Variants in CPSF6 observed in about 807,000 individuals in gnomAD.
CPSF6 encodes the protein cleavage and polyadenylation specific factor 6.
Under a neutral mutation model 56.7 loss-of-function variants are expected in CPSF6, and 10 were observed. The observed-to-expected ratio is 0.18, with a 90% CI of 0.11 to 0.30. The LOEUF is 0.30. Ranked by LOEUF, CPSF6 falls within the 10% of genes least tolerant of loss-of-function variation. CPSF6 has a pLI of 1.00. For missense variants in CPSF6, 419 were observed against 722.9 expected, an observed-to-expected ratio of 0.58 and a Z score of 4.82; for synonymous variants, 248 against 244.8, an observed-to-expected ratio of 1.01 and a Z score of -0.12.
rs1400506702 is a variant in CPSF6, at chr12:69,244,007, A to AT, written c.60+4309dup. On this transcript the variant is annotated intron_variant, in intron 1 of 9. Coordinates refer to ENST00000435070, the MANE Select transcript of CPSF6 (RefSeq NM_007007.3). Reference sequence around the variant, plus strand: ...TGCCACCATGCCTGGCTAATTTCAAATTTTTTTTGTAGGGATGAGGTCCCA... The same window carrying AT: ...TGCCACCATGCCTGGCTAATTTCAAATTTTTTTTTGTAGGGATGAGGTCCCA... 6.0e-5 allele frequency among the ~76,000 whole-genome samples: 9 copies of AT among 151,252 alleles called. No individual in the cohort carries two copies. The East Asian group carries it at 1.4e-3, about 23-fold the overall frequency.
intron 1 of CPSF6, among the ~76,000 whole-genome samples, chr12:69,243,877 A>G (rs918141459): frequency 2.0e-5 from 3 of 152,240 alleles, no homozygotes; most frequent in Non-Finnish European, 2.9e-5. Flanking sequence ...ACTGTCATCC[A>G]GTCTGGAGTG....
intron 9 of CPSF6, among the ~76,000 whole-genome samples, chr12:69,266,483 A>G (rs140403344): frequency 1.3e-5 from 2 of 152,332 alleles, no homozygotes; most frequent in East Asian, 1.9e-4. Context: ...AAAAAATTCA[A>G]TGCCAGTGTG....
chr12:69,268,224 A>C (rs1008222439), intron 9 of CPSF6, among the ~76,000 whole-genome samples: 3 of 151,854 alleles, frequency 2.0e-5, no homozygotes, highest in Non-Finnish European at 4.4e-5. Context: ...GTTTCACTAA[A>C]TAGCTTCATC....
intron 9 of CPSF6, among the ~76,000 whole-genome samples, chr12:69,268,195 AT>A (rs1010306154): frequency 3.3e-5 from 5 of 151,710 alleles, no homozygotes; most frequent in African/African-American, 7.2e-5. Flanking sequence ...GCCATTTTGT[AT>A]TTTTTCCCCA....
At chr12:69,247,537 TTAAAAG>T (rs1427245742) in intron 1 of CPSF6, among the ~76,000 whole-genome samples, 1 of 152,148 alleles carries the variant, frequency 6.6e-6, no homozygotes, top group African/African-American at 2.4e-5. Context: ...GCCATTAAAA[TTAAAAG>T]TAATAATTGA....
Position 69,260,211 on chromosome 12 carries a change from G to A in CPSF6, c.1469+14G>A, listed in dbSNP as rs758073366. The A allele has an allele frequency of 5.9e-6, 9 of 1,534,092 alleles. No homozygotes were observed. Among genetic ancestry groups the A allele is most frequent in the South Asian group, 1.2e-5 (1 of 80,030 alleles). On this transcript the variant is annotated intron_variant, in intron 8 of 9. Transcript: ENST00000435070. Reference sequence around the variant, plus strand: ...TTCTGGATCAAGGTAAAACTTTCCTGTCTCATTTCCATTTAAAAAAACTGT... The same window carrying A: ...TTCTGGATCAAGGTAAAACTTTCCTATCTCATTTCCATTTAAAAAAACTGT...
intron 9 of CPSF6, among the ~76,000 whole-genome samples, chr12:69,265,321 T>A (rs1872921539): frequency 2.6e-5 from 4 of 152,178 alleles, no homozygotes. Flanking sequence ...CGATTGTACA[T>A]TTTTTACTGA....
Position 69,262,306 on chromosome 12 carries a change from C to G in CPSF6, c.1470-67C>G, listed in dbSNP as rs1040350608. ...TTGCTGCCTAAGTTTTTTTAGACAT[C>G]AAAAAATTGAATATTTTTAGGCTAT... On this transcript the variant is annotated intron_variant, in intron 8 of 9. Transcript: ENST00000435070. 1.3e-4 allele frequency: 187 copies of G among 1,432,652 alleles called. No homozygotes were observed. In the East Asian group the frequency reaches 4.3e-3, roughly 33 times the overall value. 88.7% of individuals were successfully genotyped at this position (1,432,652 alleles called of 1,614,324 possible). A position where few individuals can be genotyped will look rare whatever the true frequency, so the allele number is the denominator to read the frequency against.
intron 2 of CPSF6, 56 bp downstream of exon 2, chr12:69,251,394 AG>A (rs1872235314): frequency 2.7e-6 from 3 of 1,130,908 alleles, no homozygotes; most frequent in Non-Finnish European, 3.8e-6. Context: ...GAACTGCTCT[AG>A]TAATTAATGT....
intron 9 of CPSF6, among the ~76,000 whole-genome samples, chr12:69,263,096 AT>A (rs59954696): frequency 0.74 from 110,862 of 149,966 alleles, 41,448 homozygotes; most frequent in African/African-American, 0.88. Flanking sequence ...TAAAAAAAAA[AT>A]TTTTTTTTTT....
intron 1 of CPSF6, among the ~76,000 whole-genome samples, chr12:69,240,282 CCTT>C (rs1328112363): frequency 6.6e-6 from 1 of 152,232 alleles, no homozygotes; most frequent in Non-Finnish European, 1.5e-5. Context: ...CCGGGGCTCT[CCTT>C]CTCGGGTTTG....
rs367716837 is a variant in CPSF6, at chr12:69,253,064, A to G, written c.284A>G (p.Glu95Gly). ...AATATCTTGCAGTGGACAACAGATG[A>G]AGACTTAACTGAAGCAGTTCATTCT... ...IGNLTWWTTD[E>G]DLTEAVHSLG... Residue 95 changes from glutamate to glycine, a missense_variant, in exon 3 of 10, where the codon GAA becomes GGA. Physicochemically the swap from Glu to Gly is moderately conservative, Grantham distance 98. Transcript: ENST00000435070. The G allele has an allele frequency of 1.4e-5, 22 of 1,574,042 alleles. No homozygotes were observed. The highest frequency in any genetic ancestry group is 1.9e-5 in the Non-Finnish European group (22 of 1,162,114).
rs1565645138 is a variant in CPSF6 at position 69,251,295 on chromosome 12, A to G, written c.227A>G (p.Tyr76Cys). The change falls in exon 2 of 10, where the codon TAT (tyrosine) becomes TGT (cysteine). Residue 76 changes from tyrosine (Y) to cysteine (C), a missense_variant. By Grantham distance (194) the Tyr-to-Cys change is radical (BLOSUM62 -2). Around this residue, in one of 4 missense-constraint regions of CPSF6, gnomAD observed 125 missense variants for 216.4 expected, o/e 0.58. Coordinates refer to ENST00000435070, the MANE Select transcript of CPSF6 (RefSeq NM_007007.3). ...GCAGCACCAAATGTTGTCTATACAT[A>G]TACTGGAAAGAGAATTGCATTATAT... ...KGAAPNVVYT[Y>C]TGKRIALYIG... 6.3e-7 allele frequency: 1 copy of G among 1,593,730 alleles called. No individual in the cohort carries two copies. Among genetic ancestry groups the G allele is most frequent in the Middle Eastern group, 2.1e-4 (1 of 4,782 alleles).
chr12:69,261,596 G>A lies in CPSF6; in HGVS notation c.1470-777G>A, dbSNP rs143136708. Among the ~76,000 whole-genome samples, 4 of 150,142 alleles carry A rather than the reference G, an allele frequency of 2.7e-5. No homozygotes were observed. The East Asian group carries it at 7.7e-4, about 29-fold the overall frequency. ...TTGAAAAAACAAAGTAATAACTTAG[G>A]CCTTGATCAAGGATTTTAGCACCTA... On this transcript the variant is annotated intron_variant, in intron 8 of 9. Coordinates refer to ENST00000435070, the MANE Select transcript of CPSF6 (RefSeq NM_007007.3).
chr12:69,259,168 G>A (rs1872639790), intron 6 of CPSF6, 74 bp downstream of exon 6: 3 of 1,458,370 alleles, frequency 2.1e-6, no homozygotes, highest in South Asian at 2.7e-5. Context: ...TTAGATTGTA[G>A]GTATATAAAT....
At chr12:69,241,656 C>T (rs573602565) in intron 1 of CPSF6, among the ~76,000 whole-genome samples, 1 of 152,120 alleles carries the variant, frequency 6.6e-6, no homozygotes, top group Non-Finnish European at 1.5e-5. Context: ...GCTGACTGGG[C>T]AGGAGGTAAA....
chr12:69,251,461 T>C lies in CPSF6; in HGVS notation c.270+123T>C, dbSNP rs1872239025. On this transcript the variant is annotated intron_variant, in intron 2 of 9. Transcript: ENST00000435070. ...ACTGTGTTTTTCTATATGTGTTTGC[T>C]TGTCCAATGAGGAGGGAAATACAAA... 5 of 612,826 alleles carry C rather than the reference T, an allele frequency of 8.2e-6. No homozygotes were observed. The South Asian group carries it at 1.3e-4, about 16-fold the overall frequency. The allele number at this position is 612,826 out of a possible 1,614,324, so 38.0% of individuals were successfully genotyped here.
chr12:69,265,366 G>T (rs997529240), intron 9 of CPSF6, among the ~76,000 whole-genome samples: 7 of 152,076 alleles, frequency 4.6e-5, no homozygotes, highest in African/African-American at 1.7e-4. Flanking sequence ...TTACTTAAAA[G>T]GTTACGTTCC....
chr12:69,239,976 G>A (rs996222470), intron 1 of CPSF6, among the ~76,000 whole-genome samples: 6 of 150,966 alleles, frequency 4.0e-5, no homozygotes, highest in Admixed American at 1.3e-4. Context: ...CCTCGCCGGC[G>A]CTGCCTCGCT....
Sources: gnomAD v4.1 joint callset for allele counts (sites outside exome capture counted in the v4.1 genomes callset) on GRCh38, gnomAD v4.1.1 for gene constraint, gnomAD v4.1.1 regional missense constraint, MANE v1.5 for transcripts, NCBI Gene and HGNC (gene_info 2026-07-23, HGNC 2026-07-21) for gene names.